The following ACAD10 variants were observed in gnomAD, a reference collection of about 807,000 sequenced individuals.
The protein encoded by ACAD10 is acyl-CoA dehydrogenase family member 10.
Under a neutral mutation model 116.8 loss-of-function variants are expected in ACAD10, and 112 were observed. The observed-to-expected ratio is 0.96, with a 90% confidence interval of 0.82 to 1.12. The LOEUF is 1.12. ACAD10 is among the 50% of genes most tolerant of loss of function. The pLI is 0.00. For missense variants in ACAD10, 1,259 were observed against 1,350.2 expected (o/e 0.93, Z 1.06); for synonymous variants, 486 against 510.6 (o/e 0.95, Z 0.65).
chr12:111,716,051 A>G (rs955769107), intron 7 of ACAD10, 89 bp downstream of exon 7: 3 of 1,536,748 alleles, frequency 2.0e-6, no homozygotes, highest in Non-Finnish European at 1.8e-6. Flanking sequence ...CACTCCATAA[A>G]AATACCCCAA....
intron 1 of ACAD10, 72 bp from the exon 2 acceptor site, chr12:111,692,625 T>G: frequency 6.7e-7 from 1 of 1,495,610 alleles, no homozygotes; most frequent in Non-Finnish European, 9.1e-7. Flanking sequence ...CTGGCCCCTC[T>G]GAGCTCCAGG....
chr12:111,727,140 C>T (rs1045048728), intron 8 of ACAD10, among the ~76,000 whole-genome samples: 2 of 151,612 alleles, frequency 1.3e-5, no homozygotes, highest in African/African-American at 4.9e-5. Context: ...GCAGGATAAT[C>T]GCTTGAACCC....
At position 111,708,431 on chromosome 12, in the gene ACAD10, C is replaced by A. The variant is rs1888574210; in HGVS notation, c.532-1095C>A. On this transcript the variant is annotated intron_variant, in intron 4 of 20. Coordinates refer to ENST00000313698, the MANE Select transcript of ACAD10 (RefSeq NM_025247.6). Reference sequence around the variant, plus strand: ...GTGTCTGAAACACCCTGCTTCTGTACTTCTCACTATTGACGTTTTCTTTAG... The same window carrying A: ...GTGTCTGAAACACCCTGCTTCTGTAATTCTCACTATTGACGTTTTCTTTAG... 3.3e-5 allele frequency among the ~76,000 whole-genome samples: 5 copies of A among 152,172 alleles called. 1 individual carries two copies. In the South Asian group the frequency reaches 1.0e-3, roughly 32 times the overall value.
At chr12:111,731,439 G>A (rs763218419) in intron 10 of ACAD10, among the ~76,000 whole-genome samples, 6 of 152,186 alleles carry the variant, frequency 3.9e-5, no homozygotes, top group African/African-American at 9.7e-5. Flanking sequence ...TTCCTTTGGC[G>A]GGGAAGACCT....
chr12:111,745,835 C>CTTTTTT (rs532150491), intron 13 of ACAD10, among the ~76,000 whole-genome samples: 11 of 104,766 alleles, frequency 1.0e-4, no homozygotes, highest in South Asian at 3.0e-4. Flanking sequence ...CCATCTCTCT[C>CTTTTTT]TTTTTTTTTT....
At position 111,755,049 on chromosome 12, in the gene ACAD10, G is replaced by C. The variant is rs114661318; in HGVS notation, c.2962-619G>C. 1.9e-3 allele frequency among the ~76,000 whole-genome samples: 292 copies of C among 152,246 alleles called. 1 individual carries two copies. The highest frequency in any genetic ancestry group is 0.01 in the Middle Eastern group (3 of 294). ...ACGGTGGTGTTTGACTTCTTGCTGG[G>C]AATCTGATCATTCTTCCAGGCTTTC... On this transcript the variant is annotated intron_variant, in intron 19 of 20. Coordinates refer to ENST00000313698, the MANE Select transcript of ACAD10 (RefSeq NM_025247.6).
intron 4 of ACAD10, among the ~76,000 whole-genome samples, chr12:111,709,045 CAA>C (rs201551045): frequency 4.4e-4 from 56 of 126,126 alleles, no homozygotes; most frequent in Middle Eastern, 4.1e-3. Flanking sequence ...CTTCTTTCTG[CAA>C]AAAAAAAAAA....
intron 5 of ACAD10, chr12:111,710,288 G>T (rs1031787909): frequency 4.4e-6 from 2 of 453,820 alleles, no homozygotes; most frequent in African/African-American, 2.0e-5. Flanking sequence ...GGGTTTTGCC[G>T]TGTTGCCCAA....
At chr12:111,729,162 G>A (rs1229593128) in intron 9 of ACAD10, among the ~76,000 whole-genome samples, 1 of 152,214 alleles carries the variant, frequency 6.6e-6, no homozygotes, top group Non-Finnish European at 1.5e-5. Flanking sequence ...TGGCAGTCTG[G>A]CTCCAGGGTT....
intron 2 of ACAD10, among the ~76,000 whole-genome samples, chr12:111,696,253 A>G (rs1241910401): frequency 1.3e-5 from 2 of 151,756 alleles, no homozygotes; most frequent in Admixed American, 6.6e-5. Context: ...GGGTCTTGCT[A>G]TGTTTCTCAA....
At chr12:111,703,207 G>A (rs1888400786) in intron 3 of ACAD10, among the ~76,000 whole-genome samples, 1 of 151,958 alleles carries the variant, frequency 6.6e-6, no homozygotes, top group Admixed American at 6.6e-5. Context: ...AAGATACCTG[G>A]GGGCAAAGGT....
intron 5 of ACAD10, 141 bp downstream of exon 5, chr12:111,709,825 T>C (rs1888619735): frequency 2.0e-6 from 2 of 988,056 alleles, no homozygotes; most frequent in Non-Finnish European, 2.9e-6. Flanking sequence ...TTTGTGTTAA[T>C]TATGAAATCT....
rs770051486 is a variant in ACAD10, at chr12:111,755,651, TCTC to T, written c.2962-8_2962-6del. On this transcript the variant is annotated splice_polypyrimidine_tract_variant and intron_variant, in intron 19 of 20. Transcript: ENST00000313698. Reference sequence around the variant, plus strand: ...TGCCCTCGGGTCTTTTATGATCGCATCTCCTCCTCCTTACAGGCTGCAGCCTTG... The same window carrying T: ...TGCCCTCGGGTCTTTTATGATCGCATCTCCTCCTTACAGGCTGCAGCCTTG... The T allele has an allele frequency of 2.5e-6, 4 of 1,611,400 alleles. No individual in the cohort carries two copies. Among genetic ancestry groups the T allele is most frequent in the Non-Finnish European group, 3.4e-6 (4 of 1,178,236 alleles).
intron 2 of ACAD10, among the ~76,000 whole-genome samples, chr12:111,694,239 T>TA (rs1888133585): frequency 6.6e-6 from 1 of 152,220 alleles, no homozygotes; most frequent in African/African-American, 2.4e-5. Context: ...CCATTGGTGC[T>TA]ACGCCTGAGC....
chr12:111,732,983 G>T (rs1478763567), intron 10 of ACAD10, among the ~76,000 whole-genome samples: 1 of 152,228 alleles, frequency 6.6e-6, no homozygotes, highest in Non-Finnish European at 1.5e-5. Context: ...TTGCTAGCAT[G>T]CTGGCCCTGG....
At position 111,729,946 on chromosome 12, in the gene ACAD10, G is replaced by A. The variant is rs996095774; in HGVS notation, c.1384G>A (p.Gly462Arg). The A allele has an allele frequency of 8.7e-6, 14 of 1,613,760 alleles. No homozygotes were observed. Among genetic ancestry groups the A allele is most frequent in the Non-Finnish European group, 1.1e-5 (13 of 1,179,836 alleles). The change falls in exon 10 of 21, where the codon GGG becomes AGG. Residue 462 changes from glycine (G) to arginine (R), a missense_variant. Transcript: ENST00000313698. Reference protein sequence around the residue: ...PRQQRTTVVHGDFRLDNLVFH... With the variant: ...PRQQRTTVVHRDFRLDNLVFH... Reference sequence around the variant, plus strand: ...TCAGCAGAGGACCACAGTGGTGCACGGGGACTTCAGGTAGATGTGGTGGCA... The same window carrying A: ...TCAGCAGAGGACCACAGTGGTGCACAGGGACTTCAGGTAGATGTGGTGGCA...
chr12:111,743,928 G>A (rs1432258308), intron 12 of ACAD10, among the ~76,000 whole-genome samples: 2 of 151,508 alleles, frequency 1.3e-5, no homozygotes, highest in African/African-American at 2.4e-5. Context: ...TGTATTTTTA[G>A]TAGAGATGGG....
At chr12:111,738,076 C>A (rs1889624449) in intron 12 of ACAD10, among the ~76,000 whole-genome samples, 1 of 151,926 alleles carries the variant, frequency 6.6e-6, no homozygotes, top group South Asian at 2.1e-4. Flanking sequence ...AGGCTGGTTT[C>A]GAACTCCTGA....
At chr12:111,731,186 C>T (rs1262998352) in intron 10 of ACAD10, among the ~76,000 whole-genome samples, 1 of 152,244 alleles carries the variant, frequency 6.6e-6, no homozygotes, top group Non-Finnish European at 1.5e-5. Context: ...AGCCAGCCAC[C>T]TTTGGGGATC....
Sources: allele counts gnomAD v4.1 joint callset (sites outside exome capture counted in the v4.1 genomes callset), GRCh38; gene constraint gnomAD v4.1.1; transcripts MANE v1.5; gene names NCBI Gene and HGNC (gene_info 2026-07-23, HGNC 2026-07-21).